The following CLUAP1 variants were observed in gnomAD, a reference collection of about 807,000 sequenced individuals.
The protein encoded by CLUAP1 is clusterin-associated protein 1.
A neutral mutation model predicts 55.0 loss-of-function variants in CLUAP1; 50 were observed. The observed-to-expected ratio is 0.91, with a 90% CI of 0.72 to 1.15. CLUAP1 has a LOEUF of 1.15. Ranked by LOEUF, CLUAP1 falls within the 50% of genes most tolerant of loss-of-function variation. CLUAP1 has a pLI of 0.00. For missense variants in CLUAP1, 530 were observed against 507.6 expected (o/e 1.04, Z -0.42); for synonymous variants, 195 against 175.4 (o/e 1.11, Z -0.88).
chr16:3,495,499 A>G, the CLUAP1 span: 18 of 1,565,450 alleles, frequency 1.1e-5, no homozygotes, highest in Non-Finnish European at 1.4e-5. Flanking sequence ...TAGGGGGTAC[A>G]TTGGCAGGTC....
chr16:3,527,582 C>G (rs2037970309), intron 9 of CLUAP1, among the ~76,000 whole-genome samples: 1 of 151,952 alleles, frequency 6.6e-6, no homozygotes, highest in Non-Finnish European at 1.5e-5. Context: ...TTTACTCCTC[C>G]ACCTCTTGTG....
intron 11 of CLUAP1, chr16:3,535,833 C>G (rs529512175): frequency 1.6e-5 from 6 of 379,140 alleles, no homozygotes; most frequent in Non-Finnish European, 2.9e-5. Context: ...GTCCAGTGGC[C>G]CTCAGCGCAG....
intron 9 of CLUAP1, among the ~76,000 whole-genome samples, chr16:3,528,792 C>T (rs1305860776): frequency 6.6e-6 from 1 of 152,152 alleles, no homozygotes; most frequent in African/African-American, 2.4e-5. Context: ...GGTCCAACTT[C>T]ATTCTTTTGC....
chr16:3,532,866 GT>G, intron 11 of CLUAP1, 25 bp downstream of exon 11: 1 of 1,613,080 alleles, frequency 6.2e-7, no homozygotes, highest in Non-Finnish European at 8.5e-7. Flanking sequence ...CCCCTCAGTG[GT>G]TCTGTGCACT....
In CLUAP1 at chr16:3,529,684, T is replaced by TTATATATTATATAA. The variant is rs1491541227; in HGVS notation, c.929-881_929-880insATATTATATAATAT. ...ATTATATATTATTATATATTATATATTATTATATATTATATATTATATATT... is the reference window on the plus strand; with the variant it reads ...ATTATATATTATTATATATTATATATTATATATTATATAATATTATATATTATATATTATATATT... On this transcript the variant is annotated intron_variant, in intron 9 of 11. Transcript: ENST00000576634. Among the ~76,000 whole-genome samples the TTATATATTATATAA allele has an allele frequency of 2.9e-3, 20 of 6,944 alleles. 1 individual carries two copies. The highest frequency in any genetic ancestry group is 0.018 in the East Asian group (1 of 56). The allele number at this position is 6,944 out of a possible 152,430, so 4.6% of individuals were successfully genotyped here.
intron 1 of CLUAP1, 145 bp downstream of exon 1, chr16:3,501,234 CCGCG>C: frequency 1.2e-6 from 1 of 814,068 alleles, no homozygotes; most frequent in Non-Finnish European, 1.9e-6. Context: ...ACCGCCTGAC[CCGCG>C]GCTGCAACCC....
intron 4 of CLUAP1, among the ~76,000 whole-genome samples, chr16:3,511,927 C>T (rs1187088686): frequency 6.6e-6 from 1 of 151,746 alleles, no homozygotes; most frequent in East Asian, 1.9e-4. Flanking sequence ...TGGCTCACGC[C>T]TGTGATCCCA....
At chr16:3,526,335 C>A in intron 8 of CLUAP1, 77 bp from the exon 9 acceptor site, 1 of 956,692 alleles carries the variant, frequency 1.0e-6, no homozygotes, top group Admixed American at 3.0e-5. Context: ...CTTAGCAGTC[C>A]TTACACAGTG....
chr16:3,515,721 CA>C (rs58503092), intron 6 of CLUAP1, 130 bp downstream of exon 6: 9,079 of 539,112 alleles, frequency 0.017, 366 homozygotes, highest in African/African-American at 0.11. Context: ...ATGAAAAACT[CA>C]AGAGGACATT....
At chr16:3,531,145 A>G (rs954989314) in intron 10 of CLUAP1, among the ~76,000 whole-genome samples, 2 of 152,190 alleles carry the variant, frequency 1.3e-5, no homozygotes, top group African/African-American at 4.8e-5. Context: ...ATTTGAGCCT[A>G]GGAGCTCGGA....
chr16:3,515,206 A>G (rs1038899383), intron 5 of CLUAP1, among the ~76,000 whole-genome samples: 2 of 152,040 alleles, frequency 1.3e-5, no homozygotes, highest in African/African-American at 2.4e-5. Flanking sequence ...AAAAAAAAAA[A>G]AAGAAGCAGC....
intron 11 of CLUAP1, chr16:3,534,284 C>G (rs1162843893): frequency 6.5e-6 from 1 of 152,720 alleles, no homozygotes; most frequent in African/African-American, 2.4e-5. Context: ...AGTGAAGGCC[C>G]CTGACGTGGT....
chr16:3,537,820 G>A lies in CLUAP1; in HGVS notation c.*1549G>A, dbSNP rs184904335. 2 of 152,018 alleles carry A rather than the reference G, an allele frequency of 1.3e-5. No homozygotes were observed. Among genetic ancestry groups the A allele is most frequent in the East Asian group, 1.9e-4 (1 of 5,172 alleles). The allele number at this position is 152,018 out of a possible 1,614,324, so 9.4% of individuals were successfully genotyped here. On this transcript the variant is annotated 3_prime_UTR_variant, in exon 12 of 12. Coordinates refer to ENST00000576634, the MANE Select transcript of CLUAP1 (RefSeq NM_015041.3). ...TTGAGACCAGCCTGGCCAACATGGC[G>A]AAACCCCACCTCTACTAAAAATACA...
At chr16:3,497,562 T>G (rs923446265), upstream of CLUAP1, among the ~76,000 whole-genome samples, 1 of 152,174 alleles carries the variant, frequency 6.6e-6, no homozygotes, top group Non-Finnish European at 1.5e-5. Context: ...CAGAGAAATA[T>G]AGTCAGCAGA....
intron 6 of CLUAP1, 55 bp from the exon 7 acceptor site, chr16:3,519,848 A>C: frequency 6.5e-7 from 1 of 1,533,712 alleles, no homozygotes; most frequent in Non-Finnish European, 8.7e-7. Flanking sequence ...TCTTCTAAGA[A>C]TTAGGATGGC....
chr16:3,529,692 TATTATA>T (rs1363162920), intron 9 of CLUAP1, among the ~76,000 whole-genome samples: 26 of 27,848 alleles, frequency 9.3e-4, no homozygotes, highest in African/African-American at 5.6e-3. Context: ...TATTATTATA[TATTATA>T]TATTATATAT....
chr16:3,521,427 TTTTTTG>T (rs2037830401), intron 7 of CLUAP1, among the ~76,000 whole-genome samples: 1 of 151,604 alleles, frequency 6.6e-6, no homozygotes, highest in Non-Finnish European at 1.5e-5. Context: ...TTTTATGGTT[TTTTTTG>T]TTTTTGTTTT....
chr16:3,508,997 C>T (rs1346669936), intron 4 of CLUAP1, among the ~76,000 whole-genome samples: 1 of 151,928 alleles, frequency 6.6e-6, no homozygotes, highest in Non-Finnish European at 1.5e-5. Flanking sequence ...TGACTCACTC[C>T]TGTAAGCCAA....
chr16:3,531,875 G>A (rs1320078139), intron 10 of CLUAP1, among the ~76,000 whole-genome samples: 5 of 148,776 alleles, frequency 3.4e-5, no homozygotes, highest in Admixed American at 6.7e-5. Flanking sequence ...ACAAAGTCTC[G>A]CTCTTGGTCC....
Sources: gnomAD v4.1 joint callset for allele counts (sites outside exome capture counted in the v4.1 genomes callset) on GRCh38, gnomAD v4.1.1 for gene constraint, MANE v1.5 for transcripts, NCBI Gene and HGNC (gene_info 2026-07-23, HGNC 2026-07-21) for gene names.